Variants in KIAA1217 observed in about 807,000 individuals in gnomAD.
The protein encoded by KIAA1217 is KIAA1217.
In KIAA1217, 88 loss-of-function variants were observed where a neutral mutation model predicts 163.9. The ratio of observed to expected loss-of-function variants is 0.54; its 90% CI spans 0.45 to 0.64. The LOEUF (loss-of-function observed/expected upper bound fraction) is 0.64. Among genes scored for constraint, KIAA1217 ranks in the 30% least tolerant of loss-of-function variants. The probability of loss-of-function intolerance (pLI) is 0.00; values close to 1 mark genes in which losing one functional copy is unlikely to be tolerated. For missense variants in KIAA1217, 2,372 were observed against 2,475.0 expected (o/e 0.96, Z 0.88); for synonymous variants, 903 against 923.1 (o/e 0.98, Z 0.39).
At chr10:23,837,888 G>A (rs574929331) in intron 1 of KIAA1217, among the ~76,000 whole-genome samples, 34 of 152,144 alleles carry the variant, frequency 2.2e-4, no homozygotes, top group African/African-American at 8.2e-4. Context: ...CATACTGGCT[G>A]TTATCTTCTA....
Position 24,391,682 on chromosome 10 carries a change from G to C in KIAA1217, c.553+10615G>C, listed in dbSNP as rs553156294. 2.0e-5 allele frequency among the ~76,000 whole-genome samples: 3 copies of C among 152,206 alleles called. No homozygotes were observed. In the South Asian group the frequency reaches 6.2e-4, roughly 32 times the overall value. Reference sequence around the variant, plus strand: ...TTTCTCTTTCTTCCTTTGCAGCCAGGCTGTTGTTAAACCTGGAGTATAAGT... The same window carrying C: ...TTTCTCTTTCTTCCTTTGCAGCCAGCCTGTTGTTAAACCTGGAGTATAAGT... On this transcript the variant is annotated intron_variant, in intron 3 of 20. Coordinates refer to ENST00000376454, the MANE Select transcript of KIAA1217 (RefSeq NM_019590.5).
chr10:23,918,879 C>T (rs1842733499), intron 1 of KIAA1217, among the ~76,000 whole-genome samples: 1 of 152,088 alleles, frequency 6.6e-6, no homozygotes, highest in Non-Finnish European at 1.5e-5. Flanking sequence ...TCCAGGGCTG[C>T]TACAGAGTCA....
intron 2 of KIAA1217, among the ~76,000 whole-genome samples, chr10:24,017,433 C>G (rs1021868659): frequency 6.6e-6 from 1 of 151,950 alleles, no homozygotes; most frequent in Admixed American, 6.6e-5. Context: ...AAATTCCTTC[C>G]CCAATGTATT....
intron 14 of KIAA1217, among the ~76,000 whole-genome samples, chr10:24,528,822 CT>C (rs2072647658): frequency 6.6e-6 from 1 of 151,664 alleles, no homozygotes; most frequent in African/African-American, 2.4e-5. Context: ...AAAATGGTAG[CT>C]TTTATGAGCT....
chr10:23,742,486 T>C (rs920616307), intron 1 of KIAA1217, among the ~76,000 whole-genome samples: 2 of 152,188 alleles, frequency 1.3e-5, no homozygotes, highest in African/African-American at 4.8e-5. Context: ...CCGCTCAGCT[T>C]CTGGGGAGGG....
chr10:23,886,394 T>C lies in KIAA1217; in HGVS notation c.-320-120831T>C, dbSNP rs565400785. On this transcript the variant is annotated intron_variant, in intron 1 of 18. Transcript: ENST00000376462. The stretch of plus-strand genomic sequence containing the variant: ...CTGACTCTACTAGTCAGTTGCCTTT[T>C]AGTCAAAACAGTTTCTGAAAGACAA... Among the ~76,000 whole-genome samples the C allele has an allele frequency of 2.0e-5, 3 of 152,118 alleles. No homozygotes were observed. In the South Asian group the frequency reaches 6.2e-4, roughly 32 times the overall value.
chr10:24,490,617 T>C (rs771130483), intron 6 of KIAA1217, among the ~76,000 whole-genome samples: 8 of 152,204 alleles, frequency 5.3e-5, no homozygotes, highest in Non-Finnish European at 1.0e-4. Flanking sequence ...GACGATTAAA[T>C]AGGAGGGAAA....
At chr10:23,876,548 G>A (rs1484613099) in intron 1 of KIAA1217, among the ~76,000 whole-genome samples, 1 of 151,874 alleles carries the variant, frequency 6.6e-6, no homozygotes, top group African/African-American at 2.4e-5. Context: ...TGGTACCGTA[G>A]TGGATATAAA....
chr10:24,226,099 A>G (rs2070484392), intron 2 of KIAA1217, among the ~76,000 whole-genome samples: 1 of 152,208 alleles, frequency 6.6e-6, no homozygotes, highest in Non-Finnish European at 1.5e-5. Flanking sequence ...CCCCTAAGTT[A>G]AGAAGTCAAC....
intron 1 of KIAA1217, among the ~76,000 whole-genome samples, chr10:23,780,946 G>T (rs1280001596): frequency 6.6e-6 from 1 of 152,158 alleles, no homozygotes; most frequent in African/African-American, 2.4e-5. Context: ...CTCCCAAAGG[G>T]CTGGGATTAC....
Position 23,966,529 on chromosome 10 carries a change from G to A in KIAA1217, c.-320-40696G>A, listed in dbSNP as rs564784101. Among the ~76,000 whole-genome samples, 5 of 152,270 alleles carry A rather than the reference G, an allele frequency of 3.3e-5. No individual in the cohort carries two copies. The South Asian group carries it at 1.0e-3, about 32-fold the overall frequency. ...TGTCTACCGTCAGCTGACAGCAGGT[G>A]CTCTTCCCCTGCCCTGCCCTGCAGT... On this transcript the variant is annotated intron_variant, in intron 1 of 18. Coordinates refer to the KIAA1217 transcript ENST00000376462.
chr10:23,856,840 C>T (rs145053468), intron 1 of KIAA1217, among the ~76,000 whole-genome samples: 7 of 152,316 alleles, frequency 4.6e-5, no homozygotes, highest in South Asian at 2.1e-4. Flanking sequence ...TCTCCTGGTG[C>T]GCCTTTTTTT....
intron 1 of KIAA1217, among the ~76,000 whole-genome samples, chr10:23,705,553 G>A (rs1191333209): frequency 1.3e-5 from 2 of 152,152 alleles, no homozygotes; most frequent in Admixed American, 6.5e-5. Context: ...GACCATAAAT[G>A]TGAGGGTTTA....
chr10:24,478,262 A>G (rs2064257817), intron 6 of KIAA1217, among the ~76,000 whole-genome samples: 1 of 152,222 alleles, frequency 6.6e-6, no homozygotes, highest in Non-Finnish European at 1.5e-5. Flanking sequence ...TTGAAGGAAC[A>G]TGATTTGGTA....
intron 2 of KIAA1217, among the ~76,000 whole-genome samples, chr10:24,156,790 C>G (rs2064895071): frequency 1.3e-5 from 2 of 152,188 alleles, no homozygotes; most frequent in African/African-American, 4.8e-5. Context: ...CTGCCTCACA[C>G]ATTCCTTCCT....
rs527238178 is a variant in KIAA1217, at chr10:23,798,446, G to A, written c.-321+103212G>A. ...CATCTTCAGCATTGGCTTGGGCTTG[G>A]ACAATTGACCCTCTGAGTTCTTTAT... On this transcript the variant is annotated intron_variant, in intron 1 of 18. Transcript: ENST00000376462. Among the ~76,000 whole-genome samples, 7 of 152,258 alleles carry A rather than the reference G, an allele frequency of 4.6e-5. No individual in the cohort carries two copies. The South Asian group carries it at 1.2e-3, about 27-fold the overall frequency.
chr10:24,230,654 G>C (rs2071277176), intron 2 of KIAA1217, among the ~76,000 whole-genome samples: 1 of 151,924 alleles, frequency 6.6e-6, no homozygotes, highest in African/African-American at 2.4e-5. Flanking sequence ...TGGGATTACA[G>C]GTGCCTGCAA....
intron 1 of KIAA1217, among the ~76,000 whole-genome samples, chr10:23,735,732 G>C (rs1290800156): frequency 6.6e-6 from 1 of 151,588 alleles, no homozygotes; most frequent in African/African-American, 2.4e-5. Context: ...TTCAGTTTTT[G>C]GCTTATCTTT....
At chr10:24,360,465 A>G (rs2049816262) in intron 2 of KIAA1217, among the ~76,000 whole-genome samples, 1 of 152,150 alleles carries the variant, frequency 6.6e-6, no homozygotes, top group East Asian at 1.9e-4. Flanking sequence ...ACTTGCAGCA[A>G]TCAAGCCTCT....
Sources: gnomAD v4.1 joint callset for allele counts (sites outside exome capture counted in the v4.1 genomes callset) on GRCh38, gnomAD v4.1.1 for gene constraint, MANE v1.5 for transcripts, NCBI Gene and HGNC (gene_info 2026-07-23, HGNC 2026-07-21) for gene names.